CTNNA2: variants seen among roughly 807,000 people sequenced by gnomAD.
CTNNA2 encodes catenin alpha 2, also known as catenin alpha-2.
CTNNA2 carries 42 observed loss-of-function variants against 101.0 expected under a neutral mutation model. That is an observed-to-expected ratio of 0.42 (90% CI 0.32 to 0.54). The LOEUF (loss-of-function observed/expected upper bound fraction) is 0.54, where lower values mean the gene tolerates loss of function less well. Ranked by LOEUF, CTNNA2 falls within the 20% of genes least tolerant of loss-of-function variation. The pLI is 0.14. For missense variants in CTNNA2, 871 were observed against 1,223.1 expected (o/e 0.71, Z 4.29); for synonymous variants, 450 against 456.4 (o/e 0.99, Z 0.18).
chr2:79,678,268 G>A (rs771011736), intron 2 of CTNNA2, among the ~76,000 whole-genome samples: 4 of 151,906 alleles, frequency 2.6e-5, no homozygotes, highest in South Asian at 4.2e-4. Flanking sequence ...CATGCTGGGC[G>A]CGGTAGCTCA....
chr2:79,982,489 A>ACACACATGCACG (rs1357280636), intron 7 of CTNNA2, among the ~76,000 whole-genome samples: 1 of 150,232 alleles, frequency 6.7e-6, no homozygotes, highest in African/African-American at 2.5e-5. Flanking sequence ...ACACACACAC[A>ACACACATGCACG]CACACACACA....
chr2:79,763,203 A>C lies in CTNNA2; in HGVS notation c.298+18621A>C, dbSNP rs146912553. ...TTTTAAATCTTCAATTTGCATTTCT[A>C]TATGGTAAAATGAAGTTATAAACTA... is the stretch of plus-strand genomic sequence containing the variant. On this transcript the variant is annotated intron_variant, in intron 3 of 18. Transcript: ENST00000402739. 1.0e-3 allele frequency among the ~76,000 whole-genome samples: 156 copies of C among 152,066 alleles called. 1 individual carries two copies. The South Asian group carries it at 0.015, about 15-fold the overall frequency.
At chr2:79,583,123 A>G (rs907586147) in intron 1 of CTNNA2, among the ~76,000 whole-genome samples, 1 of 151,836 alleles carries the variant, frequency 6.6e-6, no homozygotes, top group Non-Finnish European at 1.5e-5. Flanking sequence ...CAGTTTGTTT[A>G]TCTAGTCATC....
At chr2:80,367,941 T>TTTA (rs1164982693) in intron 7 of CTNNA2, among the ~76,000 whole-genome samples, 3 of 152,170 alleles carry the variant, frequency 2.0e-5, no homozygotes, top group Non-Finnish European at 4.4e-5. Context: ...CTTTTGGCAG[T>TTTA]TGAGTTCCAA....
chr2:80,558,535 T>C (rs1388891952), intron 12 of CTNNA2, among the ~76,000 whole-genome samples: 1 of 152,074 alleles, frequency 6.6e-6, no homozygotes, highest in African/African-American at 2.4e-5. Flanking sequence ...TCATTGTATG[T>C]CTGTGCTAAG....
At chr2:79,951,006 T>C (rs945104515) in intron 7 of CTNNA2, among the ~76,000 whole-genome samples, 2 of 152,182 alleles carry the variant, frequency 1.3e-5, no homozygotes, top group African/African-American at 4.8e-5. Flanking sequence ...ATATACTATA[T>C]AATTTATTCA....
chr2:80,123,564 A>G (rs1407863623), intron 7 of CTNNA2, among the ~76,000 whole-genome samples: 2 of 152,180 alleles, frequency 1.3e-5, no homozygotes, highest in East Asian at 1.9e-4. Flanking sequence ...GGGCTAAAAT[A>G]TTACTTCTGA....
chr2:80,230,766 G>C (rs1035126475), intron 7 of CTNNA2, among the ~76,000 whole-genome samples: 1 of 152,136 alleles, frequency 6.6e-6, no homozygotes, highest in African/African-American at 2.4e-5. Context: ...GAGAATTCCA[G>C]GGATCCAAAA....
chr2:79,236,039 G>T (rs542280060), intron 2 of CTNNA2, among the ~76,000 whole-genome samples: 2 of 152,282 alleles, frequency 1.3e-5, no homozygotes, highest in African/African-American at 4.8e-5. Context: ...TGACCAATCT[G>T]CCATCCACAT....
chr2:80,554,734 A>G (rs1009647677), intron 11 of CTNNA2, among the ~76,000 whole-genome samples: 2 of 152,206 alleles, frequency 1.3e-5, no homozygotes, highest in African/African-American at 2.4e-5. Context: ...TTAAGGGAAT[A>G]AAAACATGCA....
chr2:80,647,123 A>T (rs550050375), intron 18 of CTNNA2, among the ~76,000 whole-genome samples: 15 of 152,150 alleles, frequency 9.9e-5, no homozygotes, highest in East Asian at 1.9e-4. Flanking sequence ...TTAACACCTC[A>T]TAGAAGCAAG....
chr2:79,534,028 T>C (rs1382164720), intron 1 of CTNNA2, among the ~76,000 whole-genome samples: 1 of 151,834 alleles, frequency 6.6e-6, no homozygotes, highest in Non-Finnish European at 1.5e-5. Context: ...AATAATATTA[T>C]AACTAAGGAC....
At chr2:80,627,903 A>G (rs1671848953) in intron 18 of CTNNA2, among the ~76,000 whole-genome samples, 1 of 152,148 alleles carries the variant, frequency 6.6e-6, no homozygotes, top group Non-Finnish European at 1.5e-5. Flanking sequence ...CTGATAAGCA[A>G]CTTCAGCAAA....
chr2:80,443,447 A>C (rs2149445055), intron 9 of CTNNA2, among the ~76,000 whole-genome samples: 1 of 152,336 alleles, frequency 6.6e-6, no homozygotes, highest in East Asian at 1.9e-4. Flanking sequence ...AATAAGCACA[A>C]GAGATGACCT....
At position 79,413,677 on chromosome 2, in the gene CTNNA2, C is replaced by T. The variant is rs561660538; in HGVS notation, c.-135+39664C>T. On this transcript the variant is annotated intron_variant, in intron 4 of 21. Coordinates refer to the CTNNA2 transcript ENST00000466387. Reference sequence around the variant, plus strand: ...ATGATTATAGTAATTTTCATTTCCACCAATAGTGTGCAAGGGTTCCCTTAT... The same window carrying T: ...ATGATTATAGTAATTTTCATTTCCATCAATAGTGTGCAAGGGTTCCCTTAT... Among the ~76,000 whole-genome samples, 15 of 151,976 alleles carry T rather than the reference C, an allele frequency of 9.9e-5. No individual in the cohort carries two copies. In the East Asian group the frequency reaches 2.9e-3, roughly 30 times the overall value.
chr2:80,317,463 T>C (rs982368632), intron 7 of CTNNA2, among the ~76,000 whole-genome samples: 16 of 152,096 alleles, frequency 1.1e-4, no homozygotes, highest in African/African-American at 3.6e-4. Context: ...TATAAAGTGA[T>C]TTTTCTGCAT....
chr2:80,640,109 CAAAA>C (rs550111018), intron 18 of CTNNA2, among the ~76,000 whole-genome samples: 4 of 151,154 alleles, frequency 2.6e-5, no homozygotes, highest in South Asian at 2.1e-4. Flanking sequence ...CAAAAAAAAA[CAAAA>C]AAACAAAAAA....
chr2:80,201,432 G>T (rs573114449), intron 7 of CTNNA2, among the ~76,000 whole-genome samples: 1 of 136,378 alleles, frequency 7.3e-6, no homozygotes, highest in Non-Finnish European at 1.5e-5. Flanking sequence ...GGAGTGCAGT[G>T]GTGCAAACTC....
intron 18 of CTNNA2, among the ~76,000 whole-genome samples, chr2:80,625,360 G>A (rs1671574300): frequency 6.6e-6 from 1 of 151,994 alleles, no homozygotes; most frequent in South Asian, 2.1e-4. Context: ...TATGAAATAT[G>A]TTTTTTCAAT....
Sources: gnomAD v4.1 joint callset for allele counts (sites outside exome capture counted in the v4.1 genomes callset) on GRCh38, gnomAD v4.1.1 for gene constraint, MANE v1.5 for transcripts, NCBI Gene and HGNC (gene_info 2026-07-23, HGNC 2026-07-21) for gene names.